The following PTPRK variants were observed in gnomAD, a reference collection of about 807,000 sequenced individuals.
PTPRK encodes the protein receptor-type tyrosine-protein phosphatase kappa.
Under a neutral mutation model 178.0 loss-of-function variants are expected in PTPRK, and 75 were observed. The ratio of observed to expected loss-of-function variants is 0.42; its 90% confidence interval spans 0.35 to 0.51. The LOEUF (loss-of-function observed/expected upper bound fraction) is 0.51, where lower values mean the gene tolerates loss of function less well. Ranked by LOEUF, PTPRK falls within the 20% of genes least tolerant of loss-of-function variation. The probability of loss-of-function intolerance (pLI) is 0.02; values close to 1 mark genes in which losing one functional copy is unlikely to be tolerated. For missense variants in PTPRK, 1,441 were observed against 1,797.8 expected (o/e 0.80, Z 3.59); for synonymous variants, 637 against 620.6 (o/e 1.03, Z -0.39).
chr6:128,312,975 T>C (rs1827460429), intron 3 of PTPRK, among the ~76,000 whole-genome samples: 1 of 152,084 alleles, frequency 6.6e-6, no homozygotes, highest in South Asian at 2.1e-4. Flanking sequence ...AAAGAATAAG[T>C]CCCCTGAGAA....
At chr6:128,152,876 G>A (rs1012157591) in intron 7 of PTPRK, among the ~76,000 whole-genome samples, 1 of 151,998 alleles carries the variant, frequency 6.6e-6, no homozygotes, top group Non-Finnish European at 1.5e-5. Context: ...GAAGAAGAGT[G>A]ACAGAATTAT....
At position 128,322,276 on chromosome 6, in the gene PTPRK, G is replaced by T. The variant is rs184596227; in HGVS notation, c.258C>A (p.Asp86Glu). The T allele has an allele frequency of 1.2e-6, 2 of 1,602,932 alleles. No homozygotes were observed. The highest frequency in any genetic ancestry group is 1.7e-5 in the Admixed American group (1 of 59,936). Residue 86 changes from aspartate (D) to glutamate (E), a missense_variant, in exon 3 of 30, where the codon GAC becomes GAA. This residue lies in a region of PTPRK where 158 missense variants were observed against 188.0 expected (regional missense o/e 0.84). Transcript: ENST00000368226. ...SYMIVDSSDH[D>E]PGEKARLQLP... ...GCTGAAGTCTGGCTTTTTCTCCAGG[G>T]TCGTGATCTGAAGAGTCCACTATCA...
At chr6:128,441,426 T>C (rs1846265922) in intron 1 of PTPRK, among the ~76,000 whole-genome samples, 1 of 152,022 alleles carries the variant, frequency 6.6e-6, no homozygotes, top group Admixed American at 6.6e-5. Context: ...TGTCTAAAGG[T>C]CTTTGAAGTG....
chr6:128,363,200 TC>T (rs775134727), intron 2 of PTPRK, among the ~76,000 whole-genome samples: 4 of 152,162 alleles, frequency 2.6e-5, no homozygotes, highest in Non-Finnish European at 5.9e-5. Flanking sequence ...TGGTATAATG[TC>T]ACTTGTGACT....
chr6:127,997,020 T>C, intron 16 of PTPRK, 32 bp from the exon 17 acceptor site: 1 of 1,590,274 alleles, frequency 6.3e-7, no homozygotes. Flanking sequence ...GCAGACTGAA[T>C]TTAATTCCTT....
chr6:128,099,133 T>A (rs1178601316), intron 7 of PTPRK, among the ~76,000 whole-genome samples: 2 of 151,284 alleles, frequency 1.3e-5, no homozygotes, highest in African/African-American at 4.8e-5. Context: ...ATCTGTTAGT[T>A]GGAATTTCTT....
At chr6:128,513,684 T>C (rs1157102912) in intron 1 of PTPRK, among the ~76,000 whole-genome samples, 2 of 152,212 alleles carry the variant, frequency 1.3e-5, no homozygotes, top group Non-Finnish European at 2.9e-5. Context: ...CAGAATTAAA[T>C]GTTCCATCAA....
At chr6:128,503,884 G>A (rs1232814202) in intron 1 of PTPRK, among the ~76,000 whole-genome samples, 1 of 144,922 alleles carries the variant, frequency 6.9e-6, no homozygotes, top group African/African-American at 2.5e-5. Flanking sequence ...GTGTGTGTGT[G>A]TAGAGATAAG....
At chr6:128,341,544 T>G (rs184585995) in intron 2 of PTPRK, among the ~76,000 whole-genome samples, 2 of 152,354 alleles carry the variant, frequency 1.3e-5, no homozygotes, top group East Asian at 3.9e-4. Flanking sequence ...TTAATTTTTC[T>G]GAAGAAAAAC....
At chr6:128,240,855 C>G (rs1407717283) in intron 4 of PTPRK, among the ~76,000 whole-genome samples, 1 of 152,114 alleles carries the variant, frequency 6.6e-6, no homozygotes, top group East Asian at 1.9e-4. Flanking sequence ...CTGAAACTAC[C>G]TTTTAAAACT....
intron 2 of PTPRK, among the ~76,000 whole-genome samples, chr6:128,354,231 G>GTTTTTTATTTTTTTTTTT (rs1833612004): frequency 4.1e-5 from 2 of 49,358 alleles, no homozygotes; most frequent in African/African-American, 9.4e-5. Context: ...TTTTGTTTAT[G>GTTTTTTATTTTTTTTTTT]TTTTTTTTTT....
In PTPRK at chr6:127,969,214, G is replaced by A. The variant is rs1773656439; in HGVS notation, c.*1013C>T. On this transcript the variant is annotated 3_prime_UTR_variant, in exon 30 of 30. Coordinates refer to ENST00000368226, the MANE Select transcript of PTPRK (RefSeq NM_002844.4). The stretch of plus-strand genomic sequence containing the variant: ...AATTTAAATGATGCTTAAAGGCTAT[G>A]TTCAACATTGTGCAAGTTGTCAGCA... The A allele has an allele frequency of 1.3e-5, 2 of 152,154 alleles. No individual in the cohort carries two copies. Among genetic ancestry groups the A allele is most frequent in the African/African-American group, 4.8e-5 (2 of 41,434 alleles). 9.4% of individuals were successfully genotyped at this position (152,154 alleles called of 1,614,324 possible).
At chr6:128,231,487 C>A (rs1360854595) in intron 5 of PTPRK, among the ~76,000 whole-genome samples, 4 of 152,198 alleles carry the variant, frequency 2.6e-5, no homozygotes, top group African/African-American at 9.7e-5. Context: ...ATGGTTTGCA[C>A]TCCTCACACT....
At chr6:128,103,803 A>G (rs73584696) in intron 7 of PTPRK, among the ~76,000 whole-genome samples, 1,573 of 152,194 alleles carry the variant, frequency 0.01, 21 homozygotes, top group African/African-American at 0.036. Context: ...TATCAAATGA[A>G]CCCTGCTTCC....
chr6:128,014,696 T>C (rs1448971990), intron 13 of PTPRK, among the ~76,000 whole-genome samples: 3 of 151,624 alleles, frequency 2.0e-5, no homozygotes, highest in Non-Finnish European at 1.5e-5. Context: ...AGCTGCCTAT[T>C]ATATAAATAT....
At chr6:128,477,536 G>T (rs949092619) in intron 1 of PTPRK, among the ~76,000 whole-genome samples, 9 of 152,096 alleles carry the variant, frequency 5.9e-5, no homozygotes, top group Non-Finnish European at 1.2e-4. Context: ...TTTCATAGCT[G>T]CATTCAACAT....
intron 7 of PTPRK, 149 bp from the exon 8 acceptor site, chr6:128,090,141 C>T (rs1582956961): frequency 1.5e-6 from 1 of 669,228 alleles, no homozygotes; most frequent in Middle Eastern, 3.7e-4. Flanking sequence ...ATTCATGATC[C>T]TATTCTTGAA....
chr6:128,240,492 CAA>C (rs1814214672), intron 4 of PTPRK, among the ~76,000 whole-genome samples: 1 of 151,970 alleles, frequency 6.6e-6, no homozygotes, highest in South Asian at 2.1e-4. Context: ...TCAAAGCAAC[CAA>C]AAGAGATTAA....
chr6:128,023,640 C>A (rs17055223), intron 13 of PTPRK, among the ~76,000 whole-genome samples: 1 of 151,830 alleles, frequency 6.6e-6, no homozygotes, highest in African/African-American at 2.4e-5. Context: ...TAAAACAGAA[C>A]TATTCGATCT....
Sources: gnomAD v4.1 joint callset for allele counts (sites outside exome capture counted in the v4.1 genomes callset) on GRCh38, gnomAD v4.1.1 for gene constraint, gnomAD v4.1.1 regional missense constraint, MANE v1.5 for transcripts, NCBI Gene and HGNC (gene_info 2026-07-23, HGNC 2026-07-21) for gene names.